The following SLC13A1 variants were observed in gnomAD, a reference collection of about 807,000 sequenced individuals.
SLC13A1 encodes the protein Na(+)/sulfate cotransporter.
A neutral mutation model predicts 70.0 loss-of-function variants in SLC13A1; 65 were observed. That is an observed-to-expected ratio of 0.93 (90% CI 0.76 to 1.14). The LOEUF (loss-of-function observed/expected upper bound fraction) is 1.14. SLC13A1 is among the 50% of genes most tolerant of loss of function. The probability of loss-of-function intolerance (pLI) is 0.00; values close to 1 mark genes in which losing one functional copy is unlikely to be tolerated. For missense variants in SLC13A1, 726 were observed against 717.8 expected, an observed-to-expected ratio of 1.01 and a Z score of -0.13; for synonymous variants, 275 against 250.5, an observed-to-expected ratio of 1.10 and a Z score of -0.92.
rs1453852926 is a variant in SLC13A1, at chr7:123,134,491, C to G, written c.851G>C (p.Trp284Ser). 1 of 1,613,296 alleles carries G rather than the reference C, an allele frequency of 6.2e-7. No homozygotes were observed. Among genetic ancestry groups the G allele is most frequent in the Non-Finnish European group, 8.5e-7 (1 of 1,179,510 alleles). The stretch of plus-strand genomic sequence containing the variant: ...GGCAGCTGGGAAGGAAAACGTAAAC[C>G]ATGATCCAAAGTTGAGGCAACGACA... ...PDCRCLNFGS[W>S]FTFSFPAALI... is the part of the protein sequence containing the mutation. Residue 284 changes from tryptophan to serine, a missense_variant, in exon 8 of 15, where the codon TGG (tryptophan) becomes TCG (serine). Transcript: ENST00000194130.
intron 8 of SLC13A1, among the ~76,000 whole-genome samples, chr7:123,133,151 A>G (rs147855831): frequency 5.1e-4 from 77 of 152,264 alleles, no homozygotes; most frequent in African/African-American, 1.8e-3. Context: ...TCATCTTACA[A>G]TTGAAGACAC....
chr7:123,191,058 T>C (rs990516704), intron 1 of SLC13A1, among the ~76,000 whole-genome samples: 4 of 152,174 alleles, frequency 2.6e-5, no homozygotes, highest in Non-Finnish European at 4.4e-5. Flanking sequence ...TTATTCTGAG[T>C]GGTAGCTTTA....
intron 1 of SLC13A1, among the ~76,000 whole-genome samples, chr7:123,198,543 A>T (rs966076555): frequency 6.6e-6 from 1 of 152,006 alleles, no homozygotes; most frequent in African/African-American, 2.4e-5. Flanking sequence ...AGAAGATTGC[A>T]CCTGGTGGGA....
chr7:123,187,817 G>C (rs1795859084), intron 1 of SLC13A1, among the ~76,000 whole-genome samples: 1 of 151,896 alleles, frequency 6.6e-6, no homozygotes, highest in Non-Finnish European at 1.5e-5. Context: ...TTATTTGTCT[G>C]TTTTTCTACT....
At chr7:123,158,745 A>T (rs147468202) in intron 6 of SLC13A1, among the ~76,000 whole-genome samples, 28 of 152,196 alleles carry the variant, frequency 1.8e-4, no homozygotes, top group African/African-American at 6.7e-4. Context: ...CTGACTTTTA[A>T]ATAGAAAAAA....
intron 1 of SLC13A1, among the ~76,000 whole-genome samples, chr7:123,198,970 A>G (rs1180343361): frequency 6.6e-6 from 1 of 152,114 alleles, no homozygotes; most frequent in Non-Finnish European, 1.5e-5. Context: ...CAAGCCTGCT[A>G]CTATACACAT....
chr7:123,130,219 T>C (rs767750486), intron 8 of SLC13A1, among the ~76,000 whole-genome samples: 7 of 152,162 alleles, frequency 4.6e-5, no homozygotes, highest in Admixed American at 6.6e-5. Context: ...ACTTGGTATA[T>C]ACCCAAAGGA....
chr7:123,129,659 T>C (rs1793689115), intron 8 of SLC13A1, among the ~76,000 whole-genome samples, 178 bp from the exon 9 acceptor site: 1 of 152,156 alleles, frequency 6.6e-6, no homozygotes, highest in South Asian at 2.1e-4. Context: ...CACCTCCTTT[T>C]TTGAATGTTT....
chr7:123,145,180 T>C (rs142495179), intron 7 of SLC13A1, among the ~76,000 whole-genome samples: 24 of 152,300 alleles, frequency 1.6e-4, no homozygotes, highest in Non-Finnish European at 2.9e-4. Context: ...GACCCTCTGC[T>C]AGAGCCACAT....
chr7:123,136,942 G>A (rs942825896), intron 7 of SLC13A1, among the ~76,000 whole-genome samples: 13 of 152,294 alleles, frequency 8.5e-5, no homozygotes, highest in African/African-American at 3.1e-4. Flanking sequence ...TGTCACATTT[G>A]TGGAGAGATA....
intron 7 of SLC13A1, among the ~76,000 whole-genome samples, chr7:123,135,725 C>T (rs1245019993): frequency 6.6e-6 from 1 of 152,016 alleles, no homozygotes; most frequent in East Asian, 1.9e-4. Context: ...CTCTAGATTT[C>T]TAAGGTTTTC....
intron 3 of SLC13A1, among the ~76,000 whole-genome samples, chr7:123,170,799 T>G (rs1322241710): frequency 1.3e-5 from 2 of 152,040 alleles, no homozygotes; most frequent in African/African-American, 4.8e-5. Context: ...CGGCTAAACT[T>G]GAACTCCCCA....
At chr7:123,128,554 G>T (rs1335595684) in intron 10 of SLC13A1, among the ~76,000 whole-genome samples, 2 of 152,076 alleles carry the variant, frequency 1.3e-5, no homozygotes, top group Non-Finnish European at 2.9e-5. Context: ...TTATATTTCA[G>T]GGATGGGAAT....
In SLC13A1 at chr7:123,128,955, A is replaced by T. The variant is rs1197499404; in HGVS notation, c.1032-9T>A. ...TCACAATTTCTTGATACCTGTGGAA[A>T]AATTCCAATGGCATCACTTCTTATT... On this transcript the variant is annotated splice_polypyrimidine_tract_variant and intron_variant, in intron 9 of 14. Transcript: ENST00000194130. 1 of 1,569,102 alleles carries T rather than the reference A, an allele frequency of 6.4e-7. No homozygotes were observed. The highest frequency in any genetic ancestry group is 1.7e-5 in the Admixed American group (1 of 59,790).
At chr7:123,152,932 A>C (rs1363980270) in intron 6 of SLC13A1, among the ~76,000 whole-genome samples, 2 of 152,146 alleles carry the variant, frequency 1.3e-5, no homozygotes, top group African/African-American at 4.8e-5. Flanking sequence ...TAAATAGTTT[A>C]CTATAGGAAA....
intron 8 of SLC13A1, among the ~76,000 whole-genome samples, chr7:123,130,611 G>A (rs1793725134): frequency 6.6e-6 from 1 of 152,044 alleles, no homozygotes; most frequent in South Asian, 2.1e-4. Context: ...TAATGCATGT[G>A]GGGCTTAATA....
At chr7:123,164,118 T>C (rs1317325427) in intron 6 of SLC13A1, among the ~76,000 whole-genome samples, 6 of 151,932 alleles carry the variant, frequency 3.9e-5, no homozygotes, top group Admixed American at 1.3e-4. Flanking sequence ...TCAGGAGGAT[T>C]AGGAGGAAGG....
chr7:123,127,709 C>T (rs904660451), intron 10 of SLC13A1, among the ~76,000 whole-genome samples: 8 of 151,978 alleles, frequency 5.3e-5, no homozygotes, highest in African/African-American at 1.9e-4. Context: ...TCAGACTTCG[C>T]ACCCTTCAGA....
chr7:123,174,153 T>C (rs999872635), intron 2 of SLC13A1, among the ~76,000 whole-genome samples: 8 of 152,126 alleles, frequency 5.3e-5, no homozygotes, highest in African/African-American at 9.7e-5. Flanking sequence ...TTCAACTTTA[T>C]GGGACTAAAA....
Sources: gnomAD v4.1 joint callset for allele counts (sites outside exome capture counted in the v4.1 genomes callset) on GRCh38, gnomAD v4.1.1 for gene constraint, MANE v1.5 for transcripts, NCBI Gene and HGNC (gene_info 2026-07-23, HGNC 2026-07-21) for gene names.